Variants in IRF8 observed in about 807,000 individuals in gnomAD.
The protein encoded by IRF8 is interferon consensus sequence binding protein 1.
A neutral mutation model predicts 48.7 loss-of-function variants in IRF8; 14 were observed. The observed-to-expected ratio is 0.29, with a 90% CI of 0.19 to 0.45. The LOEUF (loss-of-function observed/expected upper bound fraction) is 0.45, where lower values mean the gene tolerates loss of function less well. Among genes scored for constraint, IRF8 ranks in the 20% least tolerant of loss-of-function variants. The pLI is 1.00. For missense variants in IRF8, 493 were observed against 580.7 expected (o/e 0.85, Z 1.55); for synonymous variants, 278 against 227.3 (o/e 1.22, Z -2.01).
intron 3 of IRF8, among the ~76,000 whole-genome samples, chr16:85,910,581 C>T (rs1905114175): frequency 6.6e-6 from 1 of 151,380 alleles, no homozygotes. Context: ...AGGCTTGAAC[C>T]GGCAGGTGAC....
intron 3 of IRF8, 67 bp from the exon 4 acceptor site, chr16:85,911,503 T>G (rs1175020796): frequency 6.2e-6 from 8 of 1,297,956 alleles, no homozygotes; most frequent in Middle Eastern, 1.8e-4. Context: ...CAGAGTAGAT[T>G]ATGGCTTCAG....
intron 3 of IRF8, among the ~76,000 whole-genome samples, chr16:85,910,464 C>T (rs1905111619): frequency 6.6e-6 from 1 of 152,134 alleles, no homozygotes; most frequent in African/African-American, 2.4e-5. Flanking sequence ...ATCTTTTTGC[C>T]TCATTTCCCA....
At chr16:85,903,295 C>A in intron 2 of IRF8, 106 bp downstream of exon 2, 2 of 1,154,104 alleles carry the variant, frequency 1.7e-6, no homozygotes, top group Non-Finnish European at 2.5e-6. Context: ...AAAAATTAAT[C>A]CAGTTTTTTA....
chr16:85,902,823 CAG>C, intron 1 of IRF8, 190 bp from the exon 2 acceptor site: 1 of 653,068 alleles, frequency 1.5e-6, no homozygotes. Flanking sequence ...AGTTTGCACT[CAG>C]GGCTGTGAGG....
intron 1 of IRF8, 49 bp from the exon 2 acceptor site, chr16:85,902,962 GATGA>G: frequency 6.2e-7 from 1 of 1,601,236 alleles, no homozygotes; most frequent in Non-Finnish European, 8.6e-7. Context: ...GGGTTGCTGT[GATGA>G]ATGAGACAAT....
intron 1 of IRF8, among the ~76,000 whole-genome samples, chr16:85,902,216 G>A (rs1229252098): frequency 6.6e-6 from 1 of 152,126 alleles, no homozygotes; most frequent in African/African-American, 2.4e-5. Context: ...CTATCTTTCA[G>A]TTGGTCGTAG....
intron 1 of IRF8, chr16:85,902,781 G>A (rs1350704251): frequency 9.1e-6 from 5 of 551,632 alleles, no homozygotes; most frequent in Non-Finnish European, 1.6e-5. Context: ...GCAGGGGGCT[G>A]CTGGTGGCTG....
chr16:85,913,084 G>T, intron 4 of IRF8, 47 bp from the exon 5 acceptor site: 1 of 1,305,812 alleles, frequency 7.7e-7, no homozygotes, highest in Non-Finnish European at 1.1e-6. Context: ...CCCCAGGTGG[G>T]AGATCAGTGA....
chr16:85,915,261 G>A lies in IRF8; in HGVS notation c.601+741G>A, dbSNP rs1420994013. On this transcript the variant is annotated intron_variant, in intron 6 of 8. Transcript: ENST00000268638. ...CTCAGGCGTGGTGACGGCATCTTCT[G>A]AACAAGGAAGCTGGGGCATCTTCCA... 5.3e-5 allele frequency among the ~76,000 whole-genome samples: 8 copies of A among 152,374 alleles called. No individual in the cohort carries two copies. The East Asian group carries it at 1.3e-3, about 26-fold the overall frequency.
At chr16:85,913,618 A>G (rs1282347986) in intron 5 of IRF8, among the ~76,000 whole-genome samples, 1 of 152,242 alleles carries the variant, frequency 6.6e-6, no homozygotes, top group Non-Finnish European at 1.5e-5. Flanking sequence ...TAGGTCGGCC[A>G]GTCTGTTACG....
intron 4 of IRF8, 78 bp downstream of exon 4, chr16:85,911,736 C>A: frequency 1.6e-6 from 2 of 1,271,736 alleles, no homozygotes; most frequent in Non-Finnish European, 2.3e-6. Context: ...GGGCACCGTT[C>A]TTGCTGTATG....
intron 1 of IRF8, among the ~76,000 whole-genome samples, chr16:85,900,622 C>T (rs902428732): frequency 9.2e-5 from 14 of 152,212 alleles, no homozygotes; most frequent in Non-Finnish European, 1.5e-4. Flanking sequence ...GTTGGGGCGC[C>T]GGCCTGGGTT....
intron 8 of IRF8, 49 bp from the exon 9 acceptor site, chr16:85,921,057 C>G (rs369691034): frequency 1.3e-5 from 21 of 1,561,240 alleles, no homozygotes; most frequent in African/African-American, 2.7e-5. Flanking sequence ...GTGCCCACCC[C>G]CTTTGGAGCC....
chr16:85,907,750 C>A (rs74978182), intron 2 of IRF8, among the ~76,000 whole-genome samples: 323 of 152,292 alleles, frequency 2.1e-3, no homozygotes, highest in African/African-American at 7.3e-3. Flanking sequence ...AACCTCCCTT[C>A]CCCAGTGAGA....
Position 85,921,300 on chromosome 16 carries a change from C to T in IRF8, c.*18C>T, listed in dbSNP as rs756967202. Reference sequence around the variant, plus strand: ...CCGTCTAAGTGCGTCGCTTGGGCGCCCCACCCCGTCTGCGTCCTGCATCCA... The same window carrying T: ...CCGTCTAAGTGCGTCGCTTGGGCGCTCCACCCCGTCTGCGTCCTGCATCCA... On this transcript the variant is annotated 3_prime_UTR_variant, in exon 9 of 9. Transcript: ENST00000268638. 14 of 1,611,762 alleles carry T rather than the reference C, an allele frequency of 8.7e-6. No individual in the cohort carries two copies. Among genetic ancestry groups the T allele is most frequent in the African/African-American group, 4.0e-5 (3 of 74,926 alleles).
chr16:85,921,784 A>G lies in IRF8; in HGVS notation c.*502A>G, dbSNP rs1257093129. ...CTTTTATGCATTTTAATAAGATTTAAAAATATTTAGATTAAAGCCCCCTTT... is the reference window on the plus strand; with the variant it reads ...CTTTTATGCATTTTAATAAGATTTAGAAATATTTAGATTAAAGCCCCCTTT... On this transcript the variant is annotated 3_prime_UTR_variant, in exon 9 of 9. Transcript: ENST00000268638. 1 of 185,576 alleles carries G rather than the reference A, an allele frequency of 5.4e-6. No individual in the cohort carries two copies. The highest frequency in any genetic ancestry group is 1.1e-5 in the Non-Finnish European group (1 of 88,414). 11.5% of individuals were successfully genotyped at this position (185,576 alleles called of 1,614,324 possible). A position where few individuals can be genotyped will look rare whatever the true frequency, so the allele number is the denominator to read the frequency against.
chr16:85,914,593 T>A (rs778869432), intron 6 of IRF8, 73 bp downstream of exon 6: 75 of 1,577,492 alleles, frequency 4.8e-5, no homozygotes, highest in Non-Finnish European at 6.5e-5. Context: ...CAAGCAGGGT[T>A]GCGGGGTTTC....
intron 3 of IRF8, 196 bp downstream of exon 3, chr16:85,909,369 G>A (rs1215351255): frequency 3.3e-6 from 2 of 615,312 alleles, no homozygotes; most frequent in Non-Finnish European, 5.8e-6. Flanking sequence ...AGGAGATTGG[G>A]TGCTGCCCAA....
rs901667717 is a variant in IRF8 at position 85,920,985 on chromosome 16, T to C, written c.1105-121T>C. ...GCTTGCCCTTCCTTGGCATTCTGGC[T>C]CATTCACTTGGGACTCACGTGGCAC... On this transcript the variant is annotated intron_variant, in intron 8 of 8. Transcript: ENST00000268638. 4 of 969,850 alleles carry C rather than the reference T, an allele frequency of 4.1e-6. No individual in the cohort carries two copies. The African/African-American group carries it at 6.5e-5, about 16-fold the overall frequency. The allele number at this position is 969,850 out of a possible 1,614,324, so 60.1% of individuals were successfully genotyped here. A position where few individuals can be genotyped will look rare whatever the true frequency, so the allele number is the denominator to read the frequency against.
Sources: gnomAD v4.1 joint callset for allele counts (sites outside exome capture counted in the v4.1 genomes callset) on GRCh38, gnomAD v4.1.1 for gene constraint, MANE v1.5 for transcripts, NCBI Gene and HGNC (gene_info 2026-07-23, HGNC 2026-07-21) for gene names.